Variants in MYO1D observed in about 807,000 individuals in gnomAD.
MYO1D encodes myosin ID.
MYO1D carries 83 observed loss-of-function variants against 122.0 expected under a neutral mutation model. The observed-to-expected ratio is 0.68, with a 90% CI of 0.57 to 0.82. The LOEUF (loss-of-function observed/expected upper bound fraction) is 0.82, where lower values mean the gene tolerates loss of function less well. Among genes scored for constraint, MYO1D ranks in the 40% least tolerant of loss-of-function variants. The pLI is 0.00. For missense variants in MYO1D, 1,157 were observed against 1,269.5 expected (o/e 0.91, Z 1.35); for synonymous variants, 464 against 446.9 (o/e 1.04, Z -0.48).
At chr17:32,607,543 C>T (rs1328571496) in intron 20 of MYO1D, among the ~76,000 whole-genome samples, 1 of 151,998 alleles carries the variant, frequency 6.6e-6, no homozygotes. Flanking sequence ...AAAATAATAT[C>T]CTCATGGACT....
intron 20 of MYO1D, among the ~76,000 whole-genome samples, chr17:32,607,453 T>C (rs1332001383): frequency 4.6e-5 from 7 of 152,126 alleles, no homozygotes; most frequent in Non-Finnish European, 1.0e-4. Flanking sequence ...AGGACCTACA[T>C]GTTGAAAACT....
At chr17:32,718,883 CTA>C (rs1409386027) in intron 15 of MYO1D, among the ~76,000 whole-genome samples, 2 of 152,112 alleles carry the variant, frequency 1.3e-5, no homozygotes, top group Non-Finnish European at 2.9e-5. Context: ...TCTATGTAAT[CTA>C]TGTTACCAGT....
At chr17:32,527,006 A>G (rs933332540) in intron 21 of MYO1D, among the ~76,000 whole-genome samples, 10 of 152,236 alleles carry the variant, frequency 6.6e-5, no homozygotes, top group Non-Finnish European at 1.5e-5. Flanking sequence ...GCCTAAGCAG[A>G]TAGGAACTAA....
intron 1 of MYO1D, among the ~76,000 whole-genome samples, chr17:32,793,531 A>C (rs2090379829): frequency 6.6e-6 from 1 of 152,204 alleles, no homozygotes; most frequent in Non-Finnish European, 1.5e-5. Flanking sequence ...GCAATTATAT[A>C]ATCTCCACAT....
At chr17:32,770,627 A>G (rs1334729609) in intron 6 of MYO1D, among the ~76,000 whole-genome samples, 1 of 152,182 alleles carries the variant, frequency 6.6e-6, no homozygotes, top group Non-Finnish European at 1.5e-5. Flanking sequence ...GCAAGAAAAG[A>G]GAAAAAATGG....
At chr17:32,752,956 A>G (rs1239162971) in intron 11 of MYO1D, among the ~76,000 whole-genome samples, 2 of 152,196 alleles carry the variant, frequency 1.3e-5, no homozygotes, top group African/African-American at 4.8e-5. Context: ...ACGAAAAGAT[A>G]TTTGTACTCG....
At chr17:32,828,327 T>C (rs1024119926) in intron 1 of MYO1D, among the ~76,000 whole-genome samples, 2 of 151,876 alleles carry the variant, frequency 1.3e-5, no homozygotes, top group Admixed American at 6.6e-5. Context: ...TCATCCTGGC[T>C]AACACGGTGA....
chr17:32,873,655 C>T (rs2091202392), intron 1 of MYO1D, among the ~76,000 whole-genome samples: 1 of 152,142 alleles, frequency 6.6e-6, no homozygotes, highest in African/African-American at 2.4e-5. Context: ...TTTATAGTTT[C>T]AGAGGAGGGT....
chr17:32,646,287 A>G (rs951696676), intron 19 of MYO1D, among the ~76,000 whole-genome samples: 5 of 152,154 alleles, frequency 3.3e-5, no homozygotes, highest in Non-Finnish European at 7.3e-5. Context: ...AACACTTACT[A>G]TCACTTGTAT....
chr17:32,625,574 G>C (rs2087916989), intron 20 of MYO1D, among the ~76,000 whole-genome samples: 1 of 151,106 alleles, frequency 6.6e-6, no homozygotes, highest in Non-Finnish European at 1.5e-5. Flanking sequence ...TTTTTAAATA[G>C]GGTCTCGCTC....
intron 1 of MYO1D, among the ~76,000 whole-genome samples, chr17:32,839,954 C>T (rs1038657750): frequency 1.3e-5 from 2 of 152,174 alleles, no homozygotes; most frequent in Admixed American, 6.5e-5. Flanking sequence ...CCAGGGCTGC[C>T]ATTCAAAGCC....
chr17:32,826,832 C>A (rs1342601162), intron 1 of MYO1D, among the ~76,000 whole-genome samples: 1 of 152,166 alleles, frequency 6.6e-6, no homozygotes, highest in East Asian at 1.9e-4. Context: ...AATTCTGATA[C>A]AATCATAGTT....
chr17:32,733,622 AC>A (rs1181155397), intron 14 of MYO1D, among the ~76,000 whole-genome samples: 1 of 152,092 alleles, frequency 6.6e-6, no homozygotes, highest in Non-Finnish European at 1.5e-5. Context: ...CTTATTAGAT[AC>A]CCTACTTTGG....
chr17:32,726,448 AGT>A (rs1394579710), intron 14 of MYO1D, among the ~76,000 whole-genome samples: 12 of 150,316 alleles, frequency 8.0e-5, no homozygotes, highest in African/African-American at 2.5e-4. Context: ...AAAGAAAAAA[AGT>A]CATGCTTTTC....
chr17:32,739,795 A>T (rs912648938), intron 13 of MYO1D, among the ~76,000 whole-genome samples: 1 of 152,182 alleles, frequency 6.6e-6, no homozygotes, highest in Non-Finnish European at 1.5e-5. Context: ...ATATTTCTGT[A>T]TGTAGGTGCT....
At chr17:32,766,037 AC>A (rs1437022939) in intron 7 of MYO1D, among the ~76,000 whole-genome samples, 1 of 151,992 alleles carries the variant, frequency 6.6e-6, no homozygotes, top group Non-Finnish European at 1.5e-5. Flanking sequence ...GATGCGTGCC[AC>A]CATGCCTGGC....
intron 20 of MYO1D, among the ~76,000 whole-genome samples, chr17:32,610,990 T>C (rs749358397): frequency 3.3e-5 from 5 of 152,224 alleles, no homozygotes; most frequent in Non-Finnish European, 7.3e-5. Context: ...TTCTTTGGCC[T>C]TGAAGATTTG....
intron 21 of MYO1D, among the ~76,000 whole-genome samples, chr17:32,560,554 T>TATATATATATATATATATATATAC (rs2087112648): frequency 8.1e-6 from 1 of 123,988 alleles, no homozygotes; most frequent in Non-Finnish European, 1.7e-5. Flanking sequence ...TATATATATA[T>TATATATATATATATATATATATAC]ATATATATAT....
chr17:32,569,817 G>A (rs1231237185), intron 21 of MYO1D, among the ~76,000 whole-genome samples: 1 of 152,134 alleles, frequency 6.6e-6, no homozygotes, highest in African/African-American at 2.4e-5. Context: ...ATATATTAAA[G>A]AGCCAGAAAA....
Sources: allele counts gnomAD v4.1 joint callset (sites outside exome capture counted in the v4.1 genomes callset), GRCh38; gene constraint gnomAD v4.1.1; transcripts MANE v1.5; gene names NCBI Gene and HGNC (gene_info 2026-07-23, HGNC 2026-07-21).